Variants in CSNK1G2 observed in about 807,000 individuals in gnomAD.
CSNK1G2 encodes casein kinase I isoform gamma-2.
Under a neutral mutation model 48.0 loss-of-function variants are expected in CSNK1G2, and 11 were observed. The ratio of observed to expected loss-of-function variants is 0.23; its 90% CI spans 0.14 to 0.38. The LOEUF is 0.38. Among genes scored for constraint, CSNK1G2 ranks in the 10% least tolerant of loss-of-function variants. The pLI is 1.00. For synonymous variants in CSNK1G2, 337 were observed against 254.1 expected, an observed-to-expected ratio of 1.33 and a Z score of -3.10; for missense variants, 446 against 595.5, an observed-to-expected ratio of 0.75 and a Z score of 2.61.
chr19:1,950,390 C>G (rs754673907), intron 1 of CSNK1G2, among the ~76,000 whole-genome samples: 1 of 147,008 alleles, frequency 6.8e-6, no homozygotes, highest in East Asian at 2.1e-4. Context: ...CCGCCCTCCT[C>G]GGCCTCCCAA....
chr19:1,953,014 G>GAAA, intron 1 of CSNK1G2: 3 of 363,744 alleles, frequency 8.2e-6, no homozygotes, highest in East Asian at 1.0e-4. Flanking sequence ...GACTCCGTCT[G>GAAA]AAAAAAAAAA....
At chr19:1,959,986 G>C (rs564087824) in intron 1 of CSNK1G2, among the ~76,000 whole-genome samples, 2 of 152,154 alleles carry the variant, frequency 1.3e-5, no homozygotes, top group Admixed American at 1.3e-4. Context: ...AGGACTCTCG[G>C]AACTGGGGAG....
At chr19:1,949,830 A>G (rs576345512) in intron 1 of CSNK1G2, among the ~76,000 whole-genome samples, 28 of 152,338 alleles carry the variant, frequency 1.8e-4, no homozygotes, top group Middle Eastern at 3.4e-3. Flanking sequence ...CCTGCAGGGC[A>G]TCAGGGACCC....
intron 1 of CSNK1G2, among the ~76,000 whole-genome samples, chr19:1,950,716 G>A (rs1449920257): frequency 6.9e-6 from 1 of 145,028 alleles, no homozygotes; most frequent in African/African-American, 2.7e-5. Flanking sequence ...GCACCTTCTC[G>A]TGCCCCAGAG....
intron 1 of CSNK1G2, among the ~76,000 whole-genome samples, chr19:1,962,105 G>A (rs1349528406): frequency 2.0e-5 from 3 of 152,102 alleles, no homozygotes; most frequent in Non-Finnish European, 2.9e-5. Context: ...CGAGGCAGGC[G>A]GATCACCTGG....
At chr19:1,971,647 C>CGG (rs2015574709) in intron 2 of CSNK1G2, among the ~76,000 whole-genome samples, 1 of 151,826 alleles carries the variant, frequency 6.6e-6, no homozygotes, top group African/African-American at 2.4e-5. Flanking sequence ...CTGCAGCCTG[C>CGG]GGGGTATGGC....
At chr19:1,950,040 C>T (rs1038007264) in intron 1 of CSNK1G2, among the ~76,000 whole-genome samples, 9 of 152,228 alleles carry the variant, frequency 5.9e-5, no homozygotes, top group African/African-American at 1.2e-4. Context: ...ACAGAGTGAC[C>T]GGTAGGCCCC....
Position 1,980,240 on chromosome 19 carries a change from C to T in CSNK1G2, c.*37C>T, listed in dbSNP as rs563758255. The T allele has an allele frequency of 1.2e-5, 20 of 1,611,420 alleles. No individual in the cohort carries two copies. Among genetic ancestry groups the T allele is most frequent in the African/African-American group, 1.2e-4 (9 of 75,042 alleles). ...TGCAGCCCCCTGAATCTTCTCCGTGCAGCCCCTTGGGGCGCGACCTTGTGC... is the reference window on the plus strand; with the variant it reads ...TGCAGCCCCCTGAATCTTCTCCGTGTAGCCCCTTGGGGCGCGACCTTGTGC... On this transcript the variant is annotated 3_prime_UTR_variant, in exon 12 of 12. Transcript: ENST00000255641.
intron 1 of CSNK1G2, among the ~76,000 whole-genome samples, chr19:1,964,927 C>T (rs925311180): frequency 8.6e-5 from 13 of 150,998 alleles, no homozygotes; most frequent in East Asian, 8.0e-4. Flanking sequence ...GGGGTTTCAG[C>T]GTATTAGCCA....
chr19:1,944,616 G>T (rs908767085), intron 1 of CSNK1G2, among the ~76,000 whole-genome samples: 1 of 152,090 alleles, frequency 6.6e-6, no homozygotes, highest in Non-Finnish European at 1.5e-5. Flanking sequence ...TGTCCAGAGG[G>T]CTGTGCCGCC....
intron 1 of CSNK1G2, among the ~76,000 whole-genome samples, chr19:1,947,154 T>C (rs1031929910): frequency 6.6e-6 from 1 of 152,210 alleles, no homozygotes; most frequent in African/African-American, 2.4e-5. Context: ...TGAAAAAAGT[T>C]GTGCTTAAAG....
chr19:1,956,123 C>T (rs372701665), intron 1 of CSNK1G2, among the ~76,000 whole-genome samples: 66 of 152,240 alleles, frequency 4.3e-4, no homozygotes, highest in African/African-American at 1.5e-3. Context: ...AGAGGCCCTG[C>T]GGGAGCCAGG....
At chr19:1,962,310 G>T (rs796608436) in intron 1 of CSNK1G2, among the ~76,000 whole-genome samples, 1 of 151,542 alleles carries the variant, frequency 6.6e-6, no homozygotes, top group Non-Finnish European at 1.5e-5. Flanking sequence ...CAGCCTGGGC[G>T]AAAGAGTGAG....
At chr19:1,946,154 A>G (rs1488724550) in intron 1 of CSNK1G2, among the ~76,000 whole-genome samples, 1 of 152,010 alleles carries the variant, frequency 6.6e-6, no homozygotes, top group Non-Finnish European at 1.5e-5. Context: ...TAGCTGCCTC[A>G]CGTCTGTGTC....
chr19:1,959,619 C>CTGTG, intron 1 of CSNK1G2, among the ~76,000 whole-genome samples: 2 of 124,266 alleles, frequency 1.6e-5, no homozygotes, highest in African/African-American at 7.2e-5. Flanking sequence ...CCCCCAGCAC[C>CTGTG]CGTGCCACCT....
intron 1 of CSNK1G2, among the ~76,000 whole-genome samples, chr19:1,965,180 G>A (rs185049739): frequency 3.5e-4 from 52 of 150,406 alleles, no homozygotes; most frequent in Non-Finnish European, 6.1e-4. Context: ...CAGATCACGA[G>A]GTCAGGAGAT....
chr19:1,977,107 C>T (rs1045866243), intron 2 of CSNK1G2, among the ~76,000 whole-genome samples: 1 of 152,238 alleles, frequency 6.6e-6, no homozygotes, highest in Non-Finnish European at 1.5e-5. Context: ...AACACGGTGA[C>T]CCAGCTGGAT....
At chr19:1,958,657 G>A (rs192066890) in intron 1 of CSNK1G2, among the ~76,000 whole-genome samples, 4,396 of 51,446 alleles carry the variant, frequency 0.085, 319 homozygotes, top group East Asian at 0.14. Context: ...ACTGTCCCCC[G>A]TCCCCTCGTC....
intron 2 of CSNK1G2, chr19:1,976,079 G>A (rs761542484): frequency 4.0e-5 from 52 of 1,289,436 alleles, no homozygotes; most frequent in South Asian, 4.9e-5. Flanking sequence ...AAAATGGACC[G>A]GTGGATGGTA....
Sources: gnomAD v4.1 joint callset for allele counts (sites outside exome capture counted in the v4.1 genomes callset) on GRCh38, gnomAD v4.1.1 for gene constraint, MANE v1.5 for transcripts, NCBI Gene and HGNC (gene_info 2026-07-23, HGNC 2026-07-21) for gene names.